PKP3: variants seen among roughly 807,000 people sequenced by gnomAD.
PKP3 encodes plakophilin-3.
A neutral mutation model predicts 76.5 loss-of-function variants in PKP3; 66 were observed. The ratio of observed to expected loss-of-function variants is 0.86; its 90% confidence interval spans 0.71 to 1.06. The LOEUF (loss-of-function observed/expected upper bound fraction) is 1.06, where lower values mean the gene tolerates loss of function less well. Among genes scored for constraint, PKP3 ranks in the 50% least tolerant of loss-of-function variants. The pLI, the probability that PKP3 is intolerant of heterozygous loss-of-function variation, is 0.00. For synonymous variants in PKP3, 638 were observed against 516.5 expected, an observed-to-expected ratio of 1.24 and a Z score of -3.19; for missense variants, 1,338 against 1,141.0, an observed-to-expected ratio of 1.17 and a Z score of -2.49.
In PKP3 at chr11:404,348, G is replaced by C; in HGVS notation, c.2358+25G>C. 6.3e-7 allele frequency: 1 copy of C among 1,595,920 alleles called. No homozygotes were observed. The highest frequency in any genetic ancestry group is 8.6e-7 in the Non-Finnish European group (1 of 1,164,672). On this transcript the variant is annotated intron_variant, in intron 12 of 12. Transcript: ENST00000331563. This position sits in a 1 kb window ranked among gnomAD's most constrained non-coding sequence, Gnocchi z 4.2. ...GGTACGTTTCCCGAGCCCAGGGCAA[G>C]CAGGGACCCGGGTGCAGGGCATGGG...
rs868224061 is a variant in PKP3, at chr11:403,522, G to A, written c.1924-96G>A. 6 of 1,263,818 alleles carry A rather than the reference G, an allele frequency of 4.7e-6. No homozygotes were observed. In the Admixed American group the frequency reaches 8.0e-5, roughly 17 times the overall value. The allele number at this position is 1,263,818 out of a possible 1,614,324, so 78.3% of individuals were successfully genotyped here. A position where few individuals can be genotyped will look rare whatever the true frequency, so the allele number is the denominator to read the frequency against. On this transcript the variant is annotated intron_variant, in intron 9 of 12. Coordinates refer to ENST00000331563, the MANE Select transcript of PKP3 (RefSeq NM_007183.4). ...AGGCAGAAGCAGAGGCCCCCCTGAGGGTGGCGAGAGGATGCAGCGACCCCA... is the reference window on the plus strand; with the variant it reads ...AGGCAGAAGCAGAGGCCCCCCTGAGAGTGGCGAGAGGATGCAGCGACCCCA...
chr11:399,093 C>G lies in PKP3; in HGVS notation c.1170C>G (p.Tyr390Ter). Residue 390 changes from tyrosine (Y) to a stop codon, truncating the protein, a stop_gained, in exon 5 of 13, where the codon TAC becomes TAG. Coordinates refer to ENST00000331563, the MANE Select transcript of PKP3 (RefSeq NM_007183.4). LOFTEE classifies it high-confidence loss of function. ...HATGAMRNLI[Y>*]DNADNKLALV... ...CAGGTGCCATGCGCAACCTCATCTA[C>G]GACAACGCTGACAACAAGCTGGCCC... is the stretch of plus-strand genomic sequence containing the variant. 6.2e-7 allele frequency: 1 copy of G among 1,611,960 alleles called. No homozygotes were observed. Among genetic ancestry groups the G allele is most frequent in the Non-Finnish European group, 8.5e-7 (1 of 1,179,410 alleles).
chr11:396,416 A>C, intron 1 of PKP3, 192 bp from the exon 2 acceptor site: 2 of 511,014 alleles, frequency 3.9e-6, no homozygotes, highest in South Asian at 3.0e-5. Context: ...ATGGACCACC[A>C]GGGCTGACAT....
chr11:397,644 T>A lies in PKP3; in HGVS notation c.1050T>A (p.Asp350Glu), dbSNP rs188555376. Residue 350 changes from aspartate to glutamate, a missense_variant, in exon 4 of 13, where the codon GAT becomes GAA. By Grantham distance (45) the Asp-to-Glu change is conservative. Coordinates refer to ENST00000331563, the MANE Select transcript of PKP3 (RefSeq NM_007183.4). ...ACATCCAGCACAAGTGCTACAGCGA[T>A]GCAGCCGCCAAGAAGCAGGTGACCA... ...AAYIQHKCYS[D>E]AAAKKQARSL... The A allele has an allele frequency of 6.2e-7, 1 of 1,611,394 alleles. No individual in the cohort carries two copies. The highest frequency in any genetic ancestry group is 2.2e-5 in the East Asian group (1 of 44,868).
chr11:397,037 T>C lies in PKP3; in HGVS notation c.536T>C (p.Leu179Pro). 6.3e-7 allele frequency: 1 copy of C among 1,598,762 alleles called. No homozygotes were observed. The highest frequency in any genetic ancestry group is 8.5e-7 in the Non-Finnish European group (1 of 1,179,280). Residue 179 changes from leucine (L) to proline (P), a missense_variant, in exon 3 of 13, where the codon CTC becomes CCC. Physicochemically the swap from Leu to Pro is moderately conservative, Grantham distance 98. Transcript: ENST00000331563. ...GGGAGCCGGGCCGACTATGACACAC[T>C]CTCCCTGCGCTCGCTGCGGCTGGGG... ...GVGSRADYDTLSLRSLRLGPG... is the reference protein window; with the variant it reads ...GVGSRADYDTPSLRSLRLGPG...
intron 4 of PKP3, among the ~76,000 whole-genome samples, chr11:398,312 G>C (rs111336490): frequency 1.8e-3 from 34 of 18,722 alleles, no homozygotes; most frequent in East Asian, 2.5e-3. Flanking sequence ...GCACACACCT[G>C]CGTCACCTCC....
chr11:400,798 C>T, intron 8 of PKP3, 93 bp downstream of exon 8: 1 of 543,038 alleles, frequency 1.8e-6, no homozygotes, highest in Non-Finnish European at 2.4e-6. Flanking sequence ...CTCACCCCCG[C>T]CCCGCTCACC....
chr11:392,951 G>A (rs1296877332), upstream of PKP3, among the ~76,000 whole-genome samples: 3 of 151,730 alleles, frequency 2.0e-5, no homozygotes, highest in East Asian at 2.0e-4. Context: ...TTCCAGGGAC[G>A]GAGCTAGGGG....
intron 4 of PKP3, 87 bp from the exon 5 acceptor site, chr11:398,905 C>T (rs1232036362): frequency 2.9e-6 from 3 of 1,052,180 alleles, no homozygotes; most frequent in African/African-American, 3.2e-5. Flanking sequence ...ATATCTACAT[C>T]TACGCACCTG....
Position 403,091 on chromosome 11 carries a change from C to A in PKP3, c.1751C>A (p.Ala584Asp), listed in dbSNP as rs1235132408. The part of the protein sequence containing the change: ...SRRLRELPLA[A>D]DALTFAEVSK... ...CGCCCTGCGCAGCTGCCCCTCGCCG[C>A]CGATGCGCTCACCTTCGCGGAGGTG... The change falls in exon 9 of 13, where the codon GCC becomes GAC. Residue 584 changes from alanine (A) to aspartate (D), a missense_variant. Transcript: ENST00000331563. 5 of 1,518,428 alleles carry A rather than the reference C, an allele frequency of 3.3e-6. No homozygotes were observed. In the South Asian group the frequency reaches 3.6e-5, roughly 11 times the overall value. 94.1% of individuals were successfully genotyped at this position (1,518,428 alleles called of 1,614,324 possible). A position where few individuals can be genotyped will look rare whatever the true frequency, so the allele number is the denominator to read the frequency against.
In PKP3 at chr11:400,548, C is replaced by A; in HGVS notation, c.1580C>A (p.Ala527Glu). The A allele has an allele frequency of 1.3e-6, 2 of 1,495,480 alleles. No homozygotes were observed. The highest frequency in any genetic ancestry group is 1.8e-6 in the Non-Finnish European group (2 of 1,129,550). The allele number at this position is 1,495,480 out of a possible 1,614,324, so 92.6% of individuals were successfully genotyped here. Residue 527 changes from alanine to glutamate, a missense_variant, in exon 8 of 13, where the codon GCG becomes GAG. Ala to Glu is a moderately radical substitution (Grantham distance 107, BLOSUM62 -1). Coordinates refer to ENST00000331563, the MANE Select transcript of PKP3 (RefSeq NM_007183.4). Reference protein sequence around the residue: ...GKCEDKSVENAVCVLRNLSYR... With the variant: ...GKCEDKSVENEVCVLRNLSYR... ...CCCCGCCCGCAGAGCGTGGAGAACG[C>A]GGTGTGCGTCCTGCGGAACCTGTCC...
rs752637970 is a variant in PKP3 at position 400,399 on chromosome 11, C to A, written c.1514C>A (p.Ala505Asp). The A allele has an allele frequency of 6.5e-7, 1 of 1,548,834 alleles. No homozygotes were observed. The highest frequency in any genetic ancestry group is 8.7e-7 in the Non-Finnish European group (1 of 1,146,198). Residue 505 changes from alanine to aspartate, a missense_variant, in exon 7 of 13, where the codon GCC (alanine) becomes GAC (aspartate). By Grantham distance (126) the Ala-to-Asp change is moderately radical. Transcript: ENST00000331563. ...KMRECHGLVD[A>D]LVTSINHALD... The stretch of plus-strand genomic sequence containing the variant: ...CGGGAGTGCCACGGGCTGGTGGACG[C>A]CCTGGTCACCTCTATCAACCACGCC...
In PKP3 at chr11:404,177, C is replaced by T. The variant is rs1847213633; in HGVS notation, c.2270+42C>T. On this transcript the variant is annotated intron_variant, in intron 11 of 12. Coordinates refer to ENST00000331563, the MANE Select transcript of PKP3 (RefSeq NM_007183.4). The surrounding 1 kb of genome is among the most constrained non-coding windows in gnomAD (Gnocchi z 4.2). ...CCGTGCAGCAGCCTGGTCAGGGGTC[C>T]TCCCAGTCCACCCTGCTTTCTGGCT... 1.2e-6 allele frequency: 2 copies of T among 1,606,082 alleles called. No individual in the cohort carries two copies. Among genetic ancestry groups the T allele is most frequent in the Non-Finnish European group, 8.5e-7 (1 of 1,174,564 alleles).
At position 403,224 on chromosome 11, in the gene PKP3, C is replaced by T. The variant is rs574148714; in HGVS notation, c.1884C>T (p.Ala628=). The T allele has an allele frequency of 5.9e-5, 93 of 1,588,382 alleles. 1 individual carries two copies. The highest frequency in any genetic ancestry group is 8.8e-5 in the Admixed American group (5 of 56,690). The change falls in exon 9 of 13, where the codon GCC becomes GCT. Residue 628 remains alanine (A), a synonymous_variant. Transcript: ENST00000331563. ...TCAACCGGCACACGACGGAGGCGGCCGCCGGGGCGCTGCAGAACATCACGG... is the reference window on the plus strand; with the variant it reads ...TCAACCGGCACACGACGGAGGCGGCTGCCGGGGCGCTGCAGAACATCACGG... The part of the protein sequence containing the change: ...CELNRHTTEA[A]AGALQNITAG...
upstream of PKP3, chr11:394,154 G>A (rs574699131): frequency 5.4e-6 from 7 of 1,300,434 alleles, no homozygotes; most frequent in African/African-American, 1.6e-5. Context: ...GCTCAGGGCT[G>A]GGCAGGCGTC....
upstream of PKP3, chr11:394,010 G>A: frequency 2.4e-6 from 1 of 411,410 alleles, no homozygotes; most frequent in Non-Finnish European, 4.3e-6. Flanking sequence ...CCTGTTGTGG[G>A]ATGGGAGAAA....
In PKP3 at chr11:403,674, G is replaced by C; in HGVS notation, c.1980G>C (p.Leu660=). ...ALEQERILNP[L]LDRVRTADHH... is the part of the protein sequence containing the mutation. ...AGCAGGAGCGTATTCTGAACCCCCT[G>C]CTAGACCGTGTCAGGACCGCCGACC... Residue 660 remains leucine (L), a synonymous_variant, in exon 10 of 13, where the codon CTG becomes CTC. Coordinates refer to ENST00000331563, the MANE Select transcript of PKP3 (RefSeq NM_007183.4). 2 of 1,610,366 alleles carry C rather than the reference G, an allele frequency of 1.2e-6. No individual in the cohort carries two copies. The highest frequency in any genetic ancestry group is 1.7e-6 in the Non-Finnish European group (2 of 1,179,844).
At position 397,525 on chromosome 11, in the gene PKP3, C is replaced by T. The variant is rs368609946; in HGVS notation, c.945-14C>T. ...ACCCAAAGTTAGCCTGACCCCTGAC[C>T]CCTGGCTCCGCAGTTTTGATGACAT... is the stretch of plus-strand genomic sequence containing the variant. On this transcript the variant is annotated splice_polypyrimidine_tract_variant and intron_variant, in intron 3 of 12. Coordinates refer to ENST00000331563, the MANE Select transcript of PKP3 (RefSeq NM_007183.4). 1.2e-6 allele frequency: 2 copies of T among 1,612,204 alleles called. No individual in the cohort carries two copies. The highest frequency in any genetic ancestry group is 1.7e-6 in the Non-Finnish European group (2 of 1,179,590).
rs1364832671 is a variant in PKP3 at position 404,063 on chromosome 11, C to T, written c.2198C>T (p.Pro733Leu). 1 of 1,612,460 alleles carries T rather than the reference C, an allele frequency of 6.2e-7. No individual in the cohort carries two copies. Among genetic ancestry groups the T allele is most frequent in the Non-Finnish European group, 8.5e-7 (1 of 1,179,764 alleles). ...CTCAACAACCTGGTGGTGGCCAGCC[C>T]CATCGCTGCCCGAGACCTGCTGTAT... The part of the protein sequence containing the change: ...AVLNNLVVAS[P>L]IAARDLLYFD... The change falls in exon 11 of 13, where the codon CCC becomes CTC. Residue 733 changes from proline (P) to leucine (L), a missense_variant. Physicochemically the swap from Pro to Leu is moderately conservative, Grantham distance 98 (BLOSUM62 -3). Transcript: ENST00000331563. This position sits in a 1 kb window ranked among gnomAD's most constrained non-coding sequence, Gnocchi z 4.2.
Sources: gnomAD v4.1 joint callset for allele counts (sites outside exome capture counted in the v4.1 genomes callset) on GRCh38, gnomAD v4.1.1 for gene constraint, Gnocchi (gnomAD v3.1) non-coding constraint, MANE v1.5 for transcripts, NCBI Gene and HGNC (gene_info 2026-07-23, HGNC 2026-07-21) for gene names.